The following GRIK4 variants were observed in gnomAD, a reference collection of about 807,000 sequenced individuals.
GRIK4 encodes glutamate ionotropic receptor kainate type subunit 4, also known as glutamate receptor ionotropic, kainate 4.
GRIK4 carries 40 observed loss-of-function variants against 104.9 expected under a neutral mutation model. That is an observed-to-expected ratio of 0.38 (90% CI 0.30 to 0.50). The LOEUF (loss-of-function observed/expected upper bound fraction) is 0.50, where lower values mean the gene tolerates loss of function less well. GRIK4 is among the 20% of genes least tolerant of loss of function. The pLI is 0.93. For missense variants in GRIK4, 1,047 were observed against 1,308.1 expected (o/e 0.80, Z 3.08); for synonymous variants, 485 against 524.9 (o/e 0.92, Z 1.04).
At chr11:120,543,717 A>T in intron 1 of GRIK4, among the ~76,000 whole-genome samples, 1 of 152,230 alleles carries the variant, frequency 6.6e-6, no homozygotes, top group South Asian at 2.1e-4. Context: ...GCATTGCAGC[A>T]CTAGTCACAA....
chr11:120,982,712 A>G (rs1944672683), intron 20 of GRIK4, among the ~76,000 whole-genome samples: 1 of 152,034 alleles, frequency 6.6e-6, no homozygotes, highest in Non-Finnish European at 1.5e-5. Flanking sequence ...CAGGGAAGAT[A>G]TATAAATCCT....
intron 3 of GRIK4, among the ~76,000 whole-genome samples, chr11:120,694,895 A>G (rs551698968): frequency 1.3e-5 from 2 of 152,256 alleles, no homozygotes; most frequent in East Asian, 3.9e-4. Context: ...AGCCCGTAAC[A>G]CTTCCCATTG....
intron 1 of GRIK4, among the ~76,000 whole-genome samples, chr11:120,572,088 G>A (rs1948407629): frequency 6.6e-6 from 1 of 152,180 alleles, no homozygotes; most frequent in South Asian, 2.1e-4. Flanking sequence ...TCTGAAGAAG[G>A]CCCCCTTCCT....
At chr11:120,805,832 A>G (rs1379632115) in intron 4 of GRIK4, among the ~76,000 whole-genome samples, 1 of 152,148 alleles carries the variant, frequency 6.6e-6, no homozygotes, top group African/African-American at 2.4e-5. Context: ...TATTTGGGGA[A>G]GGAAGGGAGG....
chr11:120,984,187 G>A (rs1183755297), intron 20 of GRIK4, among the ~76,000 whole-genome samples: 2 of 152,232 alleles, frequency 1.3e-5, no homozygotes, highest in Admixed American at 1.3e-4. Flanking sequence ...AAAATAAAGA[G>A]TCAGTGCTAT....
rs1308805330 is a variant in GRIK4 at position 120,513,257 on chromosome 11, G to A, written c.-159+1370G>A. ...ACTACCTTCACTTTCACTCCCTATGGGTCACCTGGTTGGTAGTGACACTTC... is the reference window on the plus strand; with the variant it reads ...ACTACCTTCACTTTCACTCCCTATGAGTCACCTGGTTGGTAGTGACACTTC... On this transcript the variant is annotated intron_variant, in intron 1 of 20. Coordinates refer to ENST00000527524, the MANE Select transcript of GRIK4 (RefSeq NM_014619.5). This position sits in a 1 kb window ranked among gnomAD's most constrained non-coding sequence, Gnocchi z 4.5. 2.0e-5 allele frequency among the ~76,000 whole-genome samples: 3 copies of A among 152,118 alleles called. No individual in the cohort carries two copies. Among genetic ancestry groups the A allele is most frequent in the Non-Finnish European group, 4.4e-5 (3 of 68,026 alleles).
intron 1 of GRIK4, among the ~76,000 whole-genome samples, chr11:120,627,914 G>A (rs1003605357): frequency 3.9e-5 from 6 of 152,186 alleles, no homozygotes; most frequent in African/African-American, 9.7e-5. Flanking sequence ...CTCATGTCAC[G>A]GTGCTGCTAG....
chr11:120,543,316 G>A (rs1383027948), intron 1 of GRIK4, among the ~76,000 whole-genome samples: 2 of 152,150 alleles, frequency 1.3e-5, no homozygotes, highest in Non-Finnish European at 2.9e-5. Flanking sequence ...GGTGGCTCAA[G>A]CCTGTAATCC....
intron 1 of GRIK4, among the ~76,000 whole-genome samples, chr11:120,632,183 G>T (rs759795674): frequency 7.2e-5 from 11 of 152,146 alleles, no homozygotes; most frequent in Non-Finnish European, 1.3e-4. Flanking sequence ...AGACCCCAGA[G>T]AGCTTGCTCT....
chr11:120,699,797 C>T (rs574199350), intron 3 of GRIK4, among the ~76,000 whole-genome samples: 3 of 152,242 alleles, frequency 2.0e-5, no homozygotes, highest in South Asian at 2.1e-4. Flanking sequence ...CATGTGCAAA[C>T]GTGCAGGGAC....
At chr11:120,628,956 C>T (rs960234973) in intron 1 of GRIK4, among the ~76,000 whole-genome samples, 4 of 152,152 alleles carry the variant, frequency 2.6e-5, no homozygotes, top group Non-Finnish European at 4.4e-5. Context: ...GTGGAGAATG[C>T]GTCTGCTGCC....
At chr11:120,885,081 A>G (rs1016469166) in intron 11 of GRIK4, among the ~76,000 whole-genome samples, 1 of 152,284 alleles carries the variant, frequency 6.6e-6, no homozygotes, top group East Asian at 1.9e-4. Context: ...TGGTGCGTTT[A>G]ACAAATGAAG....
chr11:120,560,852 G>T (rs1948231433), intron 1 of GRIK4, among the ~76,000 whole-genome samples: 1 of 152,224 alleles, frequency 6.6e-6, no homozygotes, highest in African/African-American at 2.4e-5. Context: ...TACTTCAGTG[G>T]AAGAGCAGTG....
chr11:120,949,569 A>G (rs1943949010), intron 14 of GRIK4, among the ~76,000 whole-genome samples: 1 of 152,210 alleles, frequency 6.6e-6, no homozygotes, highest in Non-Finnish European at 1.5e-5. Flanking sequence ...GTCACAATAA[A>G]TGGTGATGGG....
At chr11:120,571,957 A>G (rs1005303791) in intron 1 of GRIK4, among the ~76,000 whole-genome samples, 12 of 152,214 alleles carry the variant, frequency 7.9e-5, no homozygotes, top group African/African-American at 2.9e-4. Flanking sequence ...CATCCTGTCT[A>G]TGTCAGCTGG....
At chr11:120,974,396 G>T (rs1312576718) in intron 19 of GRIK4, among the ~76,000 whole-genome samples, 1 of 152,174 alleles carries the variant, frequency 6.6e-6, no homozygotes, top group Non-Finnish European at 1.5e-5. Context: ...GGGCAGAGAG[G>T]GATAGAGGTG....
In GRIK4 at chr11:120,967,741, C is replaced by T. The variant is rs75519037; in HGVS notation, c.2395+418C>T. On this transcript the variant is annotated intron_variant, in intron 19 of 20. Coordinates refer to ENST00000527524, the MANE Select transcript of GRIK4 (RefSeq NM_014619.5). The surrounding 1 kb of genome is among the most constrained non-coding windows in gnomAD (Gnocchi z 4.2). Reference sequence around the variant, plus strand: ...ATGCAAACTCGATGGCAGCATTCCCCCCACAAACCTCCCAATGGTTTCCCA... The same window carrying T: ...ATGCAAACTCGATGGCAGCATTCCCTCCACAAACCTCCCAATGGTTTCCCA... Among the ~76,000 whole-genome samples the T allele has an allele frequency of 5.6e-3, 849 of 152,190 alleles. 10 individuals carry two copies. The highest frequency in any genetic ancestry group is 0.019 in the African/African-American group (807 of 41,522).
chr11:120,707,915 A>G (rs1240806429), intron 3 of GRIK4, among the ~76,000 whole-genome samples: 1 of 152,216 alleles, frequency 6.6e-6, no homozygotes, highest in Non-Finnish European at 1.5e-5. Context: ...GCAACCCACA[A>G]GAACCATGCA....
intron 13 of GRIK4, among the ~76,000 whole-genome samples, chr11:120,906,974 G>A (rs1033603730): frequency 8.5e-5 from 13 of 152,284 alleles, no homozygotes; most frequent in African/African-American, 3.1e-4. Context: ...AGCCCTGGAC[G>A]ACTGCCATGG....
Sources: allele counts gnomAD v4.1 joint callset (sites outside exome capture counted in the v4.1 genomes callset), GRCh38; gene constraint gnomAD v4.1.1; non-coding constraint Gnocchi (gnomAD v3.1); transcripts MANE v1.5; gene names NCBI Gene and HGNC (gene_info 2026-07-23, HGNC 2026-07-21).